IQCK: variants seen among roughly 807,000 people sequenced by gnomAD.
The protein encoded by IQCK is IQ motif containing K.
Under a neutral mutation model 28.1 loss-of-function variants are expected in IQCK, and 29 were observed. The ratio of observed to expected loss-of-function variants is 1.03; its 90% confidence interval spans 0.77 to 1.41. The LOEUF is 1.41. Among genes scored for constraint, IQCK ranks in the 40% most tolerant of loss-of-function variants. IQCK has a pLI of 0.00. For missense variants in IQCK, 359 were observed against 314.7 expected (o/e 1.14, Z -1.07); for synonymous variants, 113 against 115.1 (o/e 0.98, Z 0.12).
At chr16:19,763,773 A>T (rs1446683558) in intron 4 of IQCK, 75 bp from the exon 5 acceptor site, 2 of 1,150,592 alleles carry the variant, frequency 1.7e-6, no homozygotes, top group Middle Eastern at 2.7e-4. Flanking sequence ...AAAGTCATGT[A>T]TAAGTAGACC....
At position 19,839,996 on chromosome 16, in the gene IQCK, C is replaced by CA. The variant is rs750097265; in HGVS notation, c.802+12866dup. Among the ~76,000 whole-genome samples the CA allele has an allele frequency of 2.7e-4, 28 of 105,538 alleles. No homozygotes were observed. The East Asian group carries it at 4.9e-3, about 19-fold the overall frequency. The allele number at this position is 105,538 out of a possible 152,430, so 69.2% of individuals were successfully genotyped here. On this transcript the variant is annotated intron_variant, in intron 9 of 9. Coordinates refer to the IQCK transcript ENST00000320394. ...GGGAGACAGAGCAAGACCCTGTCTC[C>CA]AAAAAAAGAAAAATAAAGCAAACAG...
chr16:19,783,001 G>T (rs75594829), intron 6 of IQCK, among the ~76,000 whole-genome samples: 49,663 of 149,632 alleles, frequency 0.33, 12,901 homozygotes, highest in African/African-American at 0.73. Flanking sequence ...CTTTTTTTGT[G>T]TGTGTGTGTG....
chr16:19,744,104 G>T (rs1369779611), intron 4 of IQCK, among the ~76,000 whole-genome samples: 1 of 151,930 alleles, frequency 6.6e-6, no homozygotes, highest in Non-Finnish European at 1.5e-5. Context: ...TTCAACCCAG[G>T]CCTGTTCCCC....
downstream of IQCK, among the ~76,000 whole-genome samples, chr16:19,828,217 G>A (rs1597594771): frequency 7.4e-6 from 1 of 134,372 alleles, no homozygotes; most frequent in African/African-American, 2.8e-5. Flanking sequence ...TGGCTGATAC[G>A]TTTTCTTTCT....
chr16:19,753,432 T>G (rs1396784149), intron 4 of IQCK, among the ~76,000 whole-genome samples: 1 of 151,670 alleles, frequency 6.6e-6, no homozygotes, highest in Non-Finnish European at 1.5e-5. Context: ...TCTCTAAAAA[T>G]AAAATAAATA....
intron 4 of IQCK, among the ~76,000 whole-genome samples, chr16:19,745,000 A>T (rs1389188587): frequency 1.3e-5 from 2 of 152,234 alleles, no homozygotes; most frequent in Non-Finnish European, 1.5e-5. Flanking sequence ...GTTGGCCAAT[A>T]AGTGAAGAAT....
chr16:19,769,907 A>G (rs1247081027), intron 6 of IQCK, among the ~76,000 whole-genome samples: 1 of 152,020 alleles, frequency 6.6e-6, no homozygotes, highest in Non-Finnish European at 1.5e-5. Flanking sequence ...ACCCAGGATA[A>G]ATTTAGGGGT....
chr16:19,782,423 C>T (rs1321980703), intron 6 of IQCK, among the ~76,000 whole-genome samples: 3 of 151,116 alleles, frequency 2.0e-5, no homozygotes, highest in Non-Finnish European at 4.4e-5. Flanking sequence ...AGCCTGGGCA[C>T]AACCTGGGCA....
chr16:19,724,628 A>C (rs1252997309), intron 1 of IQCK, among the ~76,000 whole-genome samples: 3 of 151,804 alleles, frequency 2.0e-5, no homozygotes, highest in Non-Finnish European at 4.4e-5. Flanking sequence ...TCCTGGATTC[A>C]CGCCATTCTC....
chr16:19,812,643 G>A (rs2055922750), intron 7 of IQCK, among the ~76,000 whole-genome samples: 1 of 152,002 alleles, frequency 6.6e-6, no homozygotes, highest in Non-Finnish European at 1.5e-5. Flanking sequence ...GGGCAAACTT[G>A]GAACTAATAG....
intron 6 of IQCK, among the ~76,000 whole-genome samples, chr16:19,781,343 T>C (rs567017541): frequency 2.6e-4 from 39 of 152,280 alleles, no homozygotes; most frequent in African/African-American, 9.1e-4. Context: ...TCTGGACACG[T>C]ATGCAGCTTC....
At chr16:19,811,704 A>G (rs181540454) in intron 7 of IQCK, among the ~76,000 whole-genome samples, 3 of 152,346 alleles carry the variant, frequency 2.0e-5, no homozygotes, top group East Asian at 1.9e-4. Flanking sequence ...GAAATAATCA[A>G]CGTGCCATTC....
intron 1 of IQCK, among the ~76,000 whole-genome samples, chr16:19,726,820 A>G (rs1344135343): frequency 6.6e-6 from 1 of 152,170 alleles, no homozygotes; most frequent in Non-Finnish European, 1.5e-5. Context: ...CCCTTACCAA[A>G]CATATAGCCT....
intron 4 of IQCK, chr16:19,761,536 C>CCTG: frequency 3.4e-6 from 1 of 298,216 alleles, no homozygotes; most frequent in Non-Finnish European, 6.8e-6. Context: ...CACCTCTAGA[C>CCTG]TGACTTGATT....
intron 6 of IQCK, among the ~76,000 whole-genome samples, chr16:19,775,352 A>AC (rs906302787): frequency 3.3e-5 from 5 of 152,024 alleles, no homozygotes; most frequent in African/African-American, 9.7e-5. Context: ...AATTTTGGGT[A>AC]CCCCTCATAA....
At chr16:19,843,996 A>G (rs1012606528) in intron 9 of IQCK, among the ~76,000 whole-genome samples, 17 of 151,852 alleles carry the variant, frequency 1.1e-4, no homozygotes, top group African/African-American at 3.9e-4. Context: ...ATTGATGGGC[A>G]TTTGAATTGT....
chr16:19,772,547 A>G (rs2055333694), intron 6 of IQCK, among the ~76,000 whole-genome samples: 1 of 152,196 alleles, frequency 6.6e-6, no homozygotes, highest in Non-Finnish European at 1.5e-5. Context: ...AAATATTTAT[A>G]TATGAAATTA....
chr16:19,846,074 C>G (rs2056412773), intron 9 of IQCK, among the ~76,000 whole-genome samples: 1 of 152,162 alleles, frequency 6.6e-6, no homozygotes, highest in African/African-American at 2.4e-5. Context: ...GAGACCCCAT[C>G]TCAAAAAATA....
intron 4 of IQCK, among the ~76,000 whole-genome samples, chr16:19,743,523 G>T (rs758765690): frequency 1.3e-5 from 2 of 152,224 alleles, no homozygotes; most frequent in Non-Finnish European, 2.9e-5. Context: ...CTTTGTGCCA[G>T]ATGTCATTCT....
Sources: allele counts gnomAD v4.1 joint callset (sites outside exome capture counted in the v4.1 genomes callset), GRCh38; gene constraint gnomAD v4.1.1; transcripts MANE v1.5; gene names NCBI Gene and HGNC (gene_info 2026-07-23, HGNC 2026-07-21).